Variants in SRGAP3 observed in about 807,000 individuals in gnomAD.
SRGAP3 encodes SLIT-ROBO Rho GTPase-activating protein 3.
Under a neutral mutation model 121.1 loss-of-function variants are expected in SRGAP3, and 39 were observed. That is an observed-to-expected ratio of 0.32 (90% CI 0.25 to 0.42). The LOEUF is 0.42. Ranked by LOEUF, SRGAP3 falls within the 10% of genes least tolerant of loss-of-function variation. SRGAP3 has a pLI of 1.00. For synonymous variants in SRGAP3, 601 were observed against 570.0 expected, an observed-to-expected ratio of 1.05 and a Z score of -0.77; for missense variants, 1,213 against 1,470.6, an observed-to-expected ratio of 0.82 and a Z score of 2.86.
chr3:9,136,400 C>A (rs1227932755), intron 1 of SRGAP3, among the ~76,000 whole-genome samples: 1 of 67,124 alleles, frequency 1.5e-5, no homozygotes, highest in East Asian at 3.6e-4. Flanking sequence ...TGGGACCCCC[C>A]CCCCCCCCGA....
intron 1 of SRGAP3, among the ~76,000 whole-genome samples, chr3:9,224,972 T>A (rs1296468653): frequency 3.3e-5 from 5 of 152,162 alleles, no homozygotes; most frequent in Non-Finnish European, 7.4e-5. Context: ...TCAAGAGGTC[T>A]ACAGGCAGGC....
At chr3:8,986,050 G>A in intron 21 of SRGAP3, 118 bp from the exon 22 acceptor site, 3 of 1,548,810 alleles carry the variant, frequency 1.9e-6, no homozygotes, top group Non-Finnish European at 2.6e-6. Flanking sequence ...GGCAGGGATG[G>A]AGATTAAGTC....
At chr3:9,284,067 G>A (rs9853089) in intron 3 of SRGAP3, among the ~76,000 whole-genome samples, 2,411 of 151,818 alleles carry the variant, frequency 0.016, 66 homozygotes, top group African/African-American at 0.054. Flanking sequence ...GTTTTCCTTC[G>A]AAGCACAAAT....
intron 12 of SRGAP3, among the ~76,000 whole-genome samples, chr3:9,027,822 T>C (rs1944290961): frequency 6.6e-6 from 1 of 152,222 alleles, no homozygotes; most frequent in Admixed American, 6.5e-5. Context: ...TTTTAAACTT[T>C]CTTTAAAAGG....
At chr3:9,328,774 C>T (rs113598237) in intron 2 of SRGAP3, among the ~76,000 whole-genome samples, 5,595 of 152,276 alleles carry the variant, frequency 0.037, 355 homozygotes, top group African/African-American at 0.13. Context: ...CCTTAGCTAC[C>T]GAGCTACAGC....
At chr3:9,204,763 C>T (rs1228085557) in intron 1 of SRGAP3, among the ~76,000 whole-genome samples, 2 of 152,198 alleles carry the variant, frequency 1.3e-5, no homozygotes, top group African/African-American at 4.8e-5. Context: ...GCCCTCCCTA[C>T]CCCCAGCCCC....
intron 3 of SRGAP3, among the ~76,000 whole-genome samples, chr3:9,271,897 T>C (rs1954484584): frequency 6.6e-6 from 1 of 152,232 alleles, no homozygotes; most frequent in African/African-American, 2.4e-5. Context: ...CAACAGAAGA[T>C]AATGTGCATG....
At chr3:9,350,093 A>G (rs1465897295) in intron 1 of SRGAP3, 2 of 152,216 alleles carry the variant, frequency 1.3e-5, no homozygotes, top group Non-Finnish European at 1.5e-5. Flanking sequence ...ACAAATGTGA[A>G]TAATTTCATT....
At chr3:9,123,438 G>A (rs12493018) in intron 2 of SRGAP3, among the ~76,000 whole-genome samples, 18,485 of 151,318 alleles carry the variant, frequency 0.12, 1,218 homozygotes, top group African/African-American at 0.15. Context: ...CGGGTATGGT[G>A]GCTCACATCT....
chr3:9,092,665 C>A (rs962395421), intron 3 of SRGAP3, among the ~76,000 whole-genome samples: 2 of 152,156 alleles, frequency 1.3e-5, no homozygotes, highest in African/African-American at 4.8e-5. Flanking sequence ...CCCTAAACAT[C>A]TAAAAATAAT....
chr3:9,013,976 A>C, intron 15 of SRGAP3, 134 bp from the exon 16 acceptor site: 6 of 811,174 alleles, frequency 7.4e-6, no homozygotes, highest in Middle Eastern at 2.2e-4. Flanking sequence ...CAGGGATCAC[A>C]GGTGATCCTG....
intron 1 of SRGAP3, among the ~76,000 whole-genome samples, chr3:9,233,197 T>C (rs1276123044): frequency 6.6e-6 from 1 of 152,214 alleles, no homozygotes; most frequent in African/African-American, 2.4e-5. Flanking sequence ...TGTTATTATG[T>C]CCCTCTTTCA....
chr3:9,346,650 C>T (rs1955895283), intron 1 of SRGAP3, among the ~76,000 whole-genome samples: 1 of 151,938 alleles, frequency 6.6e-6, no homozygotes, highest in African/African-American at 2.4e-5. Context: ...CCTAGATTTA[C>T]TACATTGGCT....
intron 1 of SRGAP3, among the ~76,000 whole-genome samples, chr3:9,358,593 C>T (rs1430939906): frequency 6.6e-6 from 1 of 152,154 alleles, no homozygotes; most frequent in Non-Finnish European, 1.5e-5. Flanking sequence ...ACACTATCTA[C>T]CTAGACATAA....
chr3:9,227,756 G>A (rs1362573985), intron 1 of SRGAP3, among the ~76,000 whole-genome samples: 1 of 152,226 alleles, frequency 6.6e-6, no homozygotes, highest in Non-Finnish European at 1.5e-5. Context: ...TGGGTCTTCA[G>A]TGGCCTCTAG....
intron 4 of SRGAP3, among the ~76,000 whole-genome samples, chr3:9,075,029 C>T (rs1946895497): frequency 6.6e-6 from 1 of 152,242 alleles, no homozygotes; most frequent in Non-Finnish European, 1.5e-5. Flanking sequence ...TACTGACACA[C>T]ATGCATTTCA....
Position 9,262,534 on chromosome 3 carries a change from C to CAAAAAAAAAAAAAAAAA in SRGAP3, n.442+63459_442+63475dup, listed in dbSNP as rs765408588. 2.7e-3 allele frequency among the ~76,000 whole-genome samples: 69 copies of CAAAAAAAAAAAAAAAAA among 25,562 alleles called. 7 individuals are homozygous for CAAAAAAAAAAAAAAAAA. The highest frequency in any genetic ancestry group is 3.6e-3 in the Admixed American group (6 of 1,650). The allele number at this position is 25,562 out of a possible 152,430, so 16.8% of individuals were successfully genotyped here. On this transcript the variant is annotated intron_variant and non_coding_transcript_variant, in intron 3 of 3. Coordinates refer to the SRGAP3 transcript ENST00000490889. The stretch of plus-strand genomic sequence containing the variant: ...GAAGATTTACCAAGCAAATGGAAAG[C>CAAAAAAAAAAAAAAAAA]AAAAAAAAAAAAAAAAAAAAAAGCA...
chr3:9,154,445 C>G (rs1340752694), intron 1 of SRGAP3, among the ~76,000 whole-genome samples: 1 of 152,030 alleles, frequency 6.6e-6, no homozygotes, highest in Admixed American at 6.5e-5. Context: ...CTGCTCAGCC[C>G]CACCCCCCAT....
intron 1 of SRGAP3, chr3:9,217,026 C>T (rs1295425516): frequency 6.6e-6 from 1 of 152,068 alleles, no homozygotes. Flanking sequence ...CAGGGAGTTC[C>T]TGTTCACTGG....
Sources: gnomAD v4.1 joint callset for allele counts (sites outside exome capture counted in the v4.1 genomes callset) on GRCh38, gnomAD v4.1.1 for gene constraint, MANE v1.5 for transcripts, NCBI Gene and HGNC (gene_info 2026-07-23, HGNC 2026-07-21) for gene names.